LSAMP: variants seen among roughly 807,000 people sequenced by gnomAD.
The protein encoded by LSAMP is limbic system associated membrane protein.
Under a neutral mutation model 38.6 loss-of-function variants are expected in LSAMP, and 7 were observed. The observed-to-expected ratio is 0.18, with a 90% CI of 0.10 to 0.34. The LOEUF is 0.34. Ranked by LOEUF, LSAMP falls within the 10% of genes least tolerant of loss-of-function variation. The pLI, the probability that LSAMP is intolerant of heterozygous loss-of-function variation, is 1.00. For synonymous variants in LSAMP, 154 were observed against 166.8 expected, an observed-to-expected ratio of 0.92 and a Z score of 0.59; for missense variants, 313 against 420.0, an observed-to-expected ratio of 0.75 and a Z score of 2.23.
chr3:116,021,657 G>A (rs968812025), intron 2 of LSAMP, among the ~76,000 whole-genome samples: 4 of 151,970 alleles, frequency 2.6e-5, no homozygotes, highest in Non-Finnish European at 5.9e-5. Context: ...AGGACACAGG[G>A]TAAGAAGAAA....
rs112673204 is a variant in LSAMP, at chr3:116,014,570, C to T, written c.514+4945G>A. On this transcript the variant is annotated intron_variant, in intron 3 of 6. Transcript: ENST00000490035. ...CATTATTCTCTTTTGAATGTTACTG[C>T]ATGGCCAACAGCCTTTACCTGCAAA... is the stretch of plus-strand genomic sequence containing the variant. Among the ~76,000 whole-genome samples, 444 of 152,256 alleles carry T rather than the reference C, an allele frequency of 2.9e-3. 2 individuals carry two copies. Among genetic ancestry groups the T allele is most frequent in the African/African-American group, 9.6e-3 (400 of 41,556 alleles).
chr3:116,119,902 A>G (rs1464465973), intron 1 of LSAMP, among the ~76,000 whole-genome samples: 1 of 152,046 alleles, frequency 6.6e-6, no homozygotes, highest in Non-Finnish European at 1.5e-5. Flanking sequence ...CTCGTGATCC[A>G]TTTGTCTTGG....
chr3:116,157,030 C>T (rs1709766941), intron 1 of LSAMP, among the ~76,000 whole-genome samples: 1 of 152,062 alleles, frequency 6.6e-6, no homozygotes. Context: ...ATGCGGAGCA[C>T]TGGAGGTGAT....
chr3:115,997,713 GATATATATATATATATATATAT>G (rs376845636), intron 3 of LSAMP, among the ~76,000 whole-genome samples: 12 of 91,668 alleles, frequency 1.3e-4, no homozygotes, highest in South Asian at 5.0e-4. Context: ...GACATTTTGG[GATATATATATATATATATATAT>G]ATATATATAT....
rs541348899 is a variant in LSAMP at position 116,227,194 on chromosome 3, C to G, written c.156-140638G>C. On this transcript the variant is annotated intron_variant, in intron 1 of 6. Coordinates refer to ENST00000490035, the MANE Select transcript of LSAMP (RefSeq NM_002338.5). ...GAAAATCTACCCATATGCTTGTAAA[C>G]TACACCTACATAGCTTCCCTTGTAC... 5.3e-5 allele frequency among the ~76,000 whole-genome samples: 8 copies of G among 152,282 alleles called. No homozygotes were observed. The South Asian group carries it at 6.2e-4, about 12-fold the overall frequency.
At chr3:115,839,979 T>TA (rs1369670779) in intron 6 of LSAMP, among the ~76,000 whole-genome samples, 1 of 152,206 alleles carries the variant, frequency 6.6e-6, no homozygotes, top group Non-Finnish European at 1.5e-5. Flanking sequence ...GGCGTGATGT[T>TA]ACCTTCCATG....
intron 4 of LSAMP, among the ~76,000 whole-genome samples, chr3:115,850,595 ATAG>A (rs1935298526): frequency 6.6e-6 from 1 of 152,248 alleles, no homozygotes; most frequent in African/African-American, 2.4e-5. Flanking sequence ...CTAGAAAATA[ATAG>A]TAATAACTGG....
At chr3:115,840,864 AAAT>A (rs1337247370) in intron 6 of LSAMP, among the ~76,000 whole-genome samples, 1 of 152,220 alleles carries the variant, frequency 6.6e-6, no homozygotes, top group African/African-American at 2.4e-5. Flanking sequence ...TGTTATTCCA[AAAT>A]AATAACAGTA....
intron 1 of LSAMP, among the ~76,000 whole-genome samples, chr3:116,354,390 G>T (rs538105440): frequency 2.0e-5 from 3 of 152,274 alleles, no homozygotes; most frequent in African/African-American, 7.2e-5. Flanking sequence ...TTCAGGCCTT[G>T]TCATTTCAGC....
At chr3:115,951,730 A>T (rs1938296306) in intron 3 of LSAMP, among the ~76,000 whole-genome samples, 1 of 151,722 alleles carries the variant, frequency 6.6e-6, no homozygotes, top group Admixed American at 6.6e-5. Flanking sequence ...CAAACATTGG[A>T]CTCCAGGTTC....
intron 1 of LSAMP, among the ~76,000 whole-genome samples, chr3:116,171,436 C>G (rs1459863175): frequency 6.6e-6 from 1 of 152,074 alleles, no homozygotes; most frequent in East Asian, 1.9e-4. Flanking sequence ...AAAGTATTAT[C>G]ACTCTTACTA....
intron 3 of LSAMP, among the ~76,000 whole-genome samples, chr3:115,941,763 C>A (rs1048566898): frequency 1.3e-5 from 2 of 152,048 alleles, no homozygotes; most frequent in African/African-American, 2.4e-5. Flanking sequence ...CTCATAGAAA[C>A]AGAATAGAAT....
At chr3:116,285,386 C>A (rs2047181702) in intron 1 of LSAMP, among the ~76,000 whole-genome samples, 1 of 152,242 alleles carries the variant, frequency 6.6e-6, no homozygotes, top group South Asian at 2.1e-4. Context: ...GGTGAGTCTG[C>A]CAATCCTCAG....
At chr3:116,368,850 T>C (rs899205167) in intron 1 of LSAMP, among the ~76,000 whole-genome samples, 3 of 152,150 alleles carry the variant, frequency 2.0e-5, no homozygotes, top group African/African-American at 4.8e-5. Context: ...TTTAAACTTT[T>C]AGAAAACAAG....
chr3:116,005,309 C>T (rs140797841), intron 3 of LSAMP, among the ~76,000 whole-genome samples: 3 of 152,224 alleles, frequency 2.0e-5, no homozygotes, highest in Admixed American at 6.5e-5. Context: ...AATAATTCTT[C>T]ACCTATCTCC....
At chr3:116,444,392 A>AACACACACACAC (rs202044043) in intron 1 of LSAMP, among the ~76,000 whole-genome samples, 1 of 144,244 alleles carries the variant, frequency 6.9e-6, no homozygotes, top group African/African-American at 2.6e-5. Flanking sequence ...TGGCATGAAA[A>AACACACACACAC]ACACACACAC....
At chr3:115,900,606 A>C (rs1198749218) in intron 3 of LSAMP, among the ~76,000 whole-genome samples, 1 of 152,054 alleles carries the variant, frequency 6.6e-6, no homozygotes, top group Non-Finnish European at 1.5e-5. Flanking sequence ...AGATTTGTGA[A>C]CTCTCAATAT....
intron 3 of LSAMP, among the ~76,000 whole-genome samples, chr3:116,014,240 G>T (rs572268618): frequency 3.3e-5 from 5 of 152,052 alleles, no homozygotes; most frequent in Non-Finnish European, 7.4e-5. Context: ...CTTTCTTATT[G>T]AACTATAAGC....
intron 1 of LSAMP, among the ~76,000 whole-genome samples, chr3:116,221,369 T>C (rs2046282895): frequency 6.6e-6 from 1 of 152,134 alleles, no homozygotes; most frequent in African/African-American, 2.4e-5. Flanking sequence ...TGGAGGCAAG[T>C]GGTGAACCAA....
Sources: gnomAD v4.1 joint callset for allele counts (sites outside exome capture counted in the v4.1 genomes callset) on GRCh38, gnomAD v4.1.1 for gene constraint, MANE v1.5 for transcripts, NCBI Gene and HGNC (gene_info 2026-07-23, HGNC 2026-07-21) for gene names.